KLHL26: variants seen among roughly 807,000 people sequenced by gnomAD.
KLHL26 encodes kelch-like protein 26.
In KLHL26, 4 loss-of-function variants were observed where a neutral mutation model predicts 7.1. That is an observed-to-expected ratio of 0.56 (90% confidence interval 0.28 to 1.28). KLHL26 has a LOEUF of 1.28. Ranked by LOEUF, KLHL26 falls within the 50% of genes most tolerant of loss-of-function variation. KLHL26 has a pLI of 0.11. For synonymous variants in KLHL26, 465 were observed against 414.1 expected (o/e 1.12, Z -1.49); for missense variants, 896 against 924.6 (o/e 0.97, Z 0.40).
At chr19:18,641,946 T>A (rs1437797406) in intron 1 of KLHL26, among the ~76,000 whole-genome samples, 2 of 152,198 alleles carry the variant, frequency 1.3e-5, no homozygotes, top group Admixed American at 1.3e-4. Context: ...AAAGACATCT[T>A]TGTCATTCTC....
chr19:18,641,018 T>C (rs1020860382), intron 1 of KLHL26, among the ~76,000 whole-genome samples: 1 of 152,062 alleles, frequency 6.6e-6, no homozygotes, highest in Non-Finnish European at 1.5e-5. Context: ...TTGGTGTTTT[T>C]ATTTATTTAT....
intron 1 of KLHL26, 48 bp downstream of exon 1, chr19:18,637,185 G>A (rs1200380297): frequency 4.7e-6 from 6 of 1,275,366 alleles, no homozygotes; most frequent in South Asian, 2.8e-5. Context: ...TGGAGCCCAG[G>A]AAACCTGTGG....
chr19:18,638,294 T>C (rs568305384), intron 1 of KLHL26, among the ~76,000 whole-genome samples: 31 of 152,290 alleles, frequency 2.0e-4, no homozygotes, highest in Non-Finnish European at 4.0e-4. Flanking sequence ...GCTGTGTGAT[T>C]TGGTACTGAA....
chr19:18,661,342 G>A (rs77452641), intron 1 of KLHL26, among the ~76,000 whole-genome samples: 5,802 of 152,156 alleles, frequency 0.038, 387 homozygotes, highest in African/African-American at 0.13. Context: ...CTGGTTTCCT[G>A]TTCCTCAGTC....
intron 1 of KLHL26, among the ~76,000 whole-genome samples, chr19:18,657,947 G>A (rs2052351027): frequency 6.6e-6 from 1 of 152,178 alleles, no homozygotes; most frequent in Non-Finnish European, 1.5e-5. Flanking sequence ...CCATCCTGTG[G>A]GCTGGGAGCA....
rs1976870182 is a variant in KLHL26 at position 18,649,767 on chromosome 19, C to T, written c.83+12630C>T. Reference sequence around the variant, plus strand: ...CTCCAGTCCCTTCCTGCCCCCCACCCCGCCCCTTCCACATGTCTCTCCGGA... The same window carrying T: ...CTCCAGTCCCTTCCTGCCCCCCACCTCGCCCCTTCCACATGTCTCTCCGGA... On this transcript the variant is annotated intron_variant, in intron 1 of 2. Transcript: ENST00000300976. This position sits in a 1 kb window ranked among gnomAD's most constrained non-coding sequence, Gnocchi z 4.0. Among the ~76,000 whole-genome samples, 1 of 152,218 alleles carries T rather than the reference C, an allele frequency of 6.6e-6. No individual in the cohort carries two copies. Among genetic ancestry groups the T allele is most frequent in the African/African-American group, 2.4e-5 (1 of 41,472 alleles).
intron 2 of KLHL26, among the ~76,000 whole-genome samples, chr19:18,666,383 G>A (rs868130531): frequency 1.3e-5 from 2 of 152,206 alleles, no homozygotes; most frequent in Admixed American, 1.3e-4. Context: ...GGCCATCAGG[G>A]GAGGTGCACT....
intron 1 of KLHL26, among the ~76,000 whole-genome samples, chr19:18,639,411 T>G (rs1277678144): frequency 7.3e-6 from 1 of 137,144 alleles, no homozygotes; most frequent in Admixed American, 7.3e-5. Context: ...AAGTTTTTTT[T>G]TTTTTTTTTT....
Position 18,650,512 on chromosome 19 carries a change from G to C in KLHL26, c.83+13375G>C, listed in dbSNP as rs1440211181. ...TGGTGAAGTCCGTCCTGTCCCAGGA[G>C]GGCTGCGCTAGGTCTCTCCTCTGGC... On this transcript the variant is annotated intron_variant, in intron 1 of 2. Transcript: ENST00000300976. The surrounding 1 kb of genome is among the most constrained non-coding windows in gnomAD (Gnocchi z 4.2). 1.3e-5 allele frequency among the ~76,000 whole-genome samples: 2 copies of C among 152,212 alleles called. No individual in the cohort carries two copies. Among genetic ancestry groups the C allele is most frequent in the Non-Finnish European group, 2.9e-5 (2 of 68,038 alleles).
At position 18,668,262 on chromosome 19, in the gene KLHL26, G is replaced by C. The variant is rs774377746; in HGVS notation, c.865G>C (p.Val289Leu). The stretch of plus-strand genomic sequence containing the variant: ...TCTGCTGGAGGCCTTCAACTACCAG[G>C]TGCTGCCCTTCCGGCAGCACGAGAT... ...QYLLEAFNYQ[V>L]LPFRQHEMQS... is the part of the protein sequence containing the mutation. Residue 289 changes from valine to leucine, a missense_variant, in exon 3 of 3, where the codon GTG (valine) becomes CTG (leucine). Physicochemically the swap from Val to Leu is conservative, Grantham distance 32. Coordinates refer to ENST00000300976, the MANE Select transcript of KLHL26 (RefSeq NM_018316.3). The C allele has an allele frequency of 3.7e-6, 6 of 1,612,002 alleles. No individual in the cohort carries two copies. The highest frequency in any genetic ancestry group is 5.1e-6 in the Non-Finnish European group (6 of 1,179,866).
Position 18,669,265 on chromosome 19 carries a change from C to G in KLHL26, c.*20C>G. On this transcript the variant is annotated 3_prime_UTR_variant, in exon 3 of 3. Transcript: ENST00000300976. ...AGGTAGCCCCCAAGACCCCCGGGAC[C>G]CTGGCCTGACCGCATGTTGTCTCCA... 2 of 1,575,948 alleles carry G rather than the reference C, an allele frequency of 1.3e-6. No homozygotes were observed. The highest frequency in any genetic ancestry group is 1.7e-6 in the Non-Finnish European group (2 of 1,158,786).
chr19:18,662,121 G>A (rs749500785), intron 1 of KLHL26, among the ~76,000 whole-genome samples: 16 of 152,104 alleles, frequency 1.1e-4, no homozygotes, highest in Non-Finnish European at 2.1e-4. Flanking sequence ...GAGTGGCCCC[G>A]TGGTGAACTT....
intron 1 of KLHL26, among the ~76,000 whole-genome samples, chr19:18,640,207 G>C (rs1206018515): frequency 6.6e-6 from 1 of 151,942 alleles, no homozygotes; most frequent in Non-Finnish European, 1.5e-5. Context: ...CTTAAGAGTA[G>C]AATGACTAGT....
chr19:18,648,535 C>T lies in KLHL26; in HGVS notation c.83+11398C>T, dbSNP rs886308964. Among the ~76,000 whole-genome samples, 9 of 152,188 alleles carry T rather than the reference C, an allele frequency of 5.9e-5. No homozygotes were observed. The highest frequency in any genetic ancestry group is 1.0e-4 in the Non-Finnish European group (7 of 68,032). ...TGAAGGTCAGGGTTGTCCTTGGTCC[C>T]GCGCGGCTGCACTGCCTGCAACAAG... On this transcript the variant is annotated intron_variant, in intron 1 of 2. Coordinates refer to ENST00000300976, the MANE Select transcript of KLHL26 (RefSeq NM_018316.3). This position sits in a 1 kb window ranked among gnomAD's most constrained non-coding sequence, Gnocchi z 4.9.
At chr19:18,651,670 T>C (rs570819634) in intron 1 of KLHL26, among the ~76,000 whole-genome samples, 1 of 152,390 alleles carries the variant, frequency 6.6e-6, no homozygotes, top group African/African-American at 2.4e-5. Flanking sequence ...GCCCCGTCCC[T>C]TCTGGGGCTT....
Position 18,648,474 on chromosome 19 carries a change from G to A in KLHL26, c.83+11337G>A, listed in dbSNP as rs1976844613. On this transcript the variant is annotated intron_variant, in intron 1 of 2. Transcript: ENST00000300976. The surrounding 1 kb of genome is among the most constrained non-coding windows in gnomAD (Gnocchi z 4.9). ...GAGGTTGAGCTTGTGCTGACTGATA[G>A]TGGTGGCCAGTTTCTGCCCTCCCCA... is the stretch of plus-strand genomic sequence containing the variant. Among the ~76,000 whole-genome samples the A allele has an allele frequency of 6.6e-6, 1 of 152,202 alleles. No homozygotes were observed. The highest frequency in any genetic ancestry group is 2.4e-5 in the African/African-American group (1 of 41,436).
At position 18,670,246 on chromosome 19, in the gene KLHL26, A is replaced by G. The variant is rs2052514071; in HGVS notation, c.*1001A>G. Reference sequence around the variant, plus strand: ...AGGGCTCTGTGGTATCTCTGGCCACATTTGTTCTAATGTCTGAACCTCTAA... The same window carrying G: ...AGGGCTCTGTGGTATCTCTGGCCACGTTTGTTCTAATGTCTGAACCTCTAA... On this transcript the variant is annotated 3_prime_UTR_variant, in exon 3 of 3. Coordinates refer to ENST00000300976, the MANE Select transcript of KLHL26 (RefSeq NM_018316.3). The G allele has an allele frequency of 6.6e-6, 1 of 152,132 alleles. No homozygotes were observed. The highest frequency in any genetic ancestry group is 2.1e-4 in the South Asian group (1 of 4,824). 9.4% of individuals were successfully genotyped at this position (152,132 alleles called of 1,614,324 possible).
chr19:18,656,781 C>A lies in KLHL26; in HGVS notation c.84-7480C>A, dbSNP rs1187870949. Reference sequence around the variant, plus strand: ...GGTGGCTCTGACCCTGCCTGGCCTGCCCAGCACGCCTGCCCTCCCAGCACA... The same window carrying A: ...GGTGGCTCTGACCCTGCCTGGCCTGACCAGCACGCCTGCCCTCCCAGCACA... On this transcript the variant is annotated intron_variant, in intron 1 of 2. Coordinates refer to ENST00000300976, the MANE Select transcript of KLHL26 (RefSeq NM_018316.3). The surrounding 1 kb of genome is among the most constrained non-coding windows in gnomAD (Gnocchi z 4.4). 1.3e-5 allele frequency among the ~76,000 whole-genome samples: 2 copies of A among 151,722 alleles called. No individual in the cohort carries two copies. Among genetic ancestry groups the A allele is most frequent in the Admixed American group, 6.6e-5 (1 of 15,264 alleles).
Position 18,650,784 on chromosome 19 carries a change from G to T in KLHL26, c.84-13477G>T, listed in dbSNP as rs1024540450. On this transcript the variant is annotated intron_variant, in intron 1 of 2. Transcript: ENST00000300976. The surrounding 1 kb of genome is among the most constrained non-coding windows in gnomAD (Gnocchi z 4.2). ...AGCTTGCTGACCTTTTCTGGGAGTC[G>T]TGGCGGACGGAGTGGAGCCGTCTGT... is the stretch of plus-strand genomic sequence containing the variant. 1.3e-5 allele frequency among the ~76,000 whole-genome samples: 2 copies of T among 152,198 alleles called. No individual in the cohort carries two copies. The highest frequency in any genetic ancestry group is 4.1e-4 in the South Asian group (2 of 4,834).
Sources: allele counts gnomAD v4.1 joint callset (sites outside exome capture counted in the v4.1 genomes callset), GRCh38; gene constraint gnomAD v4.1.1; non-coding constraint Gnocchi (gnomAD v3.1); transcripts MANE v1.5; gene names NCBI Gene and HGNC (gene_info 2026-07-23, HGNC 2026-07-21).